PRTFDC1: variants seen among roughly 807,000 people sequenced by gnomAD.
PRTFDC1 encodes the protein phosphoribosyl transferase domain containing 1.
A neutral mutation model predicts 34.6 loss-of-function variants in PRTFDC1; 38 were observed. The observed-to-expected ratio is 1.10, with a 90% CI of 0.85 to 1.44. The LOEUF (loss-of-function observed/expected upper bound fraction) is 1.44. PRTFDC1 is among the 40% of genes most tolerant of loss of function. The pLI, the probability that PRTFDC1 is intolerant of heterozygous loss-of-function variation, is 0.00. For synonymous variants in PRTFDC1, 93 were observed against 98.1 expected, an observed-to-expected ratio of 0.95 and a Z score of 0.31; for missense variants, 270 against 283.0, an observed-to-expected ratio of 0.95 and a Z score of 0.33.
rs927279000 is a variant in PRTFDC1 at position 24,876,288 on chromosome 10, C to T, written c.340-4225G>A. Among the ~76,000 whole-genome samples the T allele has an allele frequency of 4.2e-4, 63 of 151,182 alleles. 1 individual carries two copies. The highest frequency in any genetic ancestry group is 1.5e-3 in the African/African-American group (62 of 41,278). On this transcript the variant is annotated intron_variant, in intron 3 of 8. Transcript: ENST00000320152. ...GGTTACTTTTGTACATTTTTTTTTT[C>T]CTGTCTGGTAGATTGTACAAAGATT... is the stretch of plus-strand genomic sequence containing the variant.
intron 3 of PRTFDC1, among the ~76,000 whole-genome samples, chr10:24,929,072 G>GAAAA (rs1564316141): frequency 8.2e-6 from 1 of 121,356 alleles, no homozygotes; most frequent in Non-Finnish European, 1.7e-5. Flanking sequence ...AAGAAAGAAA[G>GAAAA]AAAGGGAGGC....
chr10:24,918,819 A>G (rs1848736596), intron 3 of PRTFDC1, among the ~76,000 whole-genome samples: 1 of 152,200 alleles, frequency 6.6e-6, no homozygotes, highest in East Asian at 1.9e-4. Context: ...TCATTTTACA[A>G]ATGAACAAAG....
chr10:24,922,559 C>T (rs1848807304), intron 3 of PRTFDC1, among the ~76,000 whole-genome samples: 1 of 152,164 alleles, frequency 6.6e-6, no homozygotes, highest in Admixed American at 6.5e-5. Context: ...TGCATATGCC[C>T]TCTTGCCTGC....
At chr10:24,875,846 GTTTTTTTTTTTT>G (rs61379088) in intron 3 of PRTFDC1, among the ~76,000 whole-genome samples, 7 of 96,734 alleles carry the variant, frequency 7.2e-5, no homozygotes, top group African/African-American at 2.9e-4. Flanking sequence ...AATTCTCATA[GTTTTTTTTTTTT>G]TTTTTTTTTT....
At chr10:24,931,882 C>T (rs1226194353) in intron 3 of PRTFDC1, among the ~76,000 whole-genome samples, 1 of 147,264 alleles carries the variant, frequency 6.8e-6, no homozygotes, top group Non-Finnish European at 1.5e-5. Context: ...CAATATAAGC[C>T]TGATACCAGA....
chr10:24,921,587 T>C (rs1848789011), intron 3 of PRTFDC1, among the ~76,000 whole-genome samples: 1 of 152,104 alleles, frequency 6.6e-6, no homozygotes, highest in Non-Finnish European at 1.5e-5. Flanking sequence ...CATTCCTCTC[T>C]GTGGCGTGGG....
At chr10:24,939,547 C>T (rs1172559792) in intron 2 of PRTFDC1, among the ~76,000 whole-genome samples, 2 of 151,796 alleles carry the variant, frequency 1.3e-5, no homozygotes, top group Non-Finnish European at 2.9e-5. Flanking sequence ...AATCCCAGCA[C>T]TTTGGGAGGC....
At chr10:24,939,809 A>G (rs938632913) in intron 2 of PRTFDC1, among the ~76,000 whole-genome samples, 112 of 150,172 alleles carry the variant, frequency 7.5e-4, no homozygotes, top group Non-Finnish European at 1.4e-3. Flanking sequence ...AAAAAAAAAA[A>G]AAAAAAGAAA....
chr10:24,884,712 G>A (rs1848135295), intron 3 of PRTFDC1, among the ~76,000 whole-genome samples: 1 of 152,190 alleles, frequency 6.6e-6, no homozygotes, highest in South Asian at 2.1e-4. Context: ...TTGCAGGGTA[G>A]AGTTAGGGGC....
intron 3 of PRTFDC1, among the ~76,000 whole-genome samples, chr10:24,876,745 C>T (rs146822405): frequency 2.0e-5 from 3 of 151,834 alleles, no homozygotes; most frequent in Non-Finnish European, 4.4e-5. Flanking sequence ...GATGAAGTCT[C>T]ACTGTATTGC....
At chr10:24,943,347 T>C (rs1170382796) in intron 1 of PRTFDC1, among the ~76,000 whole-genome samples, 1 of 152,062 alleles carries the variant, frequency 6.6e-6, no homozygotes, top group Non-Finnish European at 1.5e-5. Flanking sequence ...CCTATTCACA[T>C]AGTGGATGGA....
intron 3 of PRTFDC1, among the ~76,000 whole-genome samples, chr10:24,911,972 T>C (rs1387222861): frequency 6.6e-6 from 1 of 151,464 alleles, no homozygotes; most frequent in Non-Finnish European, 1.5e-5. Flanking sequence ...TGGGTTTACT[T>C]TATAAGAAAT....
At chr10:24,920,044 C>A (rs1012954430) in intron 3 of PRTFDC1, among the ~76,000 whole-genome samples, 20 of 152,056 alleles carry the variant, frequency 1.3e-4, no homozygotes, top group African/African-American at 4.8e-4. Flanking sequence ...ATTAGTTCAA[C>A]CATTATGGAA....
intron 3 of PRTFDC1, among the ~76,000 whole-genome samples, chr10:24,889,266 C>A (rs1244941651): frequency 6.6e-6 from 1 of 152,074 alleles, no homozygotes; most frequent in Non-Finnish European, 1.5e-5. Context: ...CTAGAACACG[C>A]CCGATCTCGT....
chr10:24,916,989 C>T (rs1019834201), intron 3 of PRTFDC1, among the ~76,000 whole-genome samples: 2 of 152,110 alleles, frequency 1.3e-5, no homozygotes, highest in African/African-American at 4.8e-5. Flanking sequence ...GTATGTAGAT[C>T]CTCAGCTCAA....
At chr10:24,895,314 T>C in intron 3 of PRTFDC1, among the ~76,000 whole-genome samples, 1 of 128,426 alleles carries the variant, frequency 7.8e-6, no homozygotes, top group Admixed American at 9.1e-5. Flanking sequence ...TGCAATGGCA[T>C]GATCTTGGCT....
At chr10:24,912,845 TCTGAA>T (rs1381112681) in intron 3 of PRTFDC1, among the ~76,000 whole-genome samples, 2 of 152,020 alleles carry the variant, frequency 1.3e-5, no homozygotes, top group African/African-American at 4.8e-5. Flanking sequence ...TGCAGTCACC[TCTGAA>T]CTGGCCTTGC....
chr10:24,949,006 C>T (rs1360035988), intron 1 of PRTFDC1, among the ~76,000 whole-genome samples: 2 of 152,196 alleles, frequency 1.3e-5, no homozygotes, highest in East Asian at 3.8e-4. Context: ...CTCTCAGTGC[C>T]TCAGTTTCCT....
At chr10:24,875,504 T>A (rs765775097) in intron 3 of PRTFDC1, among the ~76,000 whole-genome samples, 13 of 152,206 alleles carry the variant, frequency 8.5e-5, no homozygotes, top group Non-Finnish European at 1.6e-4. Flanking sequence ...ATATGGTATG[T>A]ATCACTCTGT....
Sources: gnomAD v4.1 joint callset for allele counts (sites outside exome capture counted in the v4.1 genomes callset) on GRCh38, gnomAD v4.1.1 for gene constraint, MANE v1.5 for transcripts, NCBI Gene and HGNC (gene_info 2026-07-23, HGNC 2026-07-21) for gene names.